RNF216: variants seen among roughly 807,000 people sequenced by gnomAD.
RNF216 encodes ring finger protein 216.
A neutral mutation model predicts 110.8 loss-of-function variants in RNF216; 72 were observed. The observed-to-expected ratio is 0.65, with a 90% confidence interval of 0.54 to 0.79. The LOEUF is 0.79. Among genes scored for constraint, RNF216 ranks in the 30% least tolerant of loss-of-function variants. The probability of loss-of-function intolerance (pLI) is 0.00; values close to 1 mark genes in which losing one functional copy is unlikely to be tolerated. For missense variants in RNF216, 1,342 were observed against 1,141.2 expected (o/e 1.18, Z -2.54); for synonymous variants, 495 against 407.5 (o/e 1.21, Z -2.59).
At chr7:5,746,494 T>C (rs1795037173) in intron 3 of RNF216, among the ~76,000 whole-genome samples, 1 of 152,158 alleles carries the variant, frequency 6.6e-6, no homozygotes, top group East Asian at 1.9e-4. Flanking sequence ...AGGGAGGGTA[T>C]AAACTCAGGC....
At chr7:5,701,541 C>A (rs1237568882) in intron 13 of RNF216, among the ~76,000 whole-genome samples, 2 of 152,198 alleles carry the variant, frequency 1.3e-5, no homozygotes, top group Admixed American at 6.5e-5. Flanking sequence ...TGGTTTTGCA[C>A]AAAAGCTCTA....
At chr7:5,746,187 C>A (rs1562456063) in intron 3 of RNF216, among the ~76,000 whole-genome samples, 1 of 152,166 alleles carries the variant, frequency 6.6e-6, no homozygotes, top group African/African-American at 2.4e-5. Context: ...GTCTTTTTAG[C>A]ACCTGGTCTC....
intron 15 of RNF216, among the ~76,000 whole-genome samples, chr7:5,631,467 T>G (rs1467344076): frequency 6.6e-6 from 1 of 152,194 alleles, no homozygotes; most frequent in African/African-American, 2.4e-5. Context: ...TGGTCTCCAG[T>G]GGCCTCTGAC....
At chr7:5,682,040 T>G (rs1790684840) in intron 13 of RNF216, among the ~76,000 whole-genome samples, 1 of 152,234 alleles carries the variant, frequency 6.6e-6, no homozygotes, top group African/African-American at 2.4e-5. Context: ...GGCCGGCTGC[T>G]GCCTCTTCTC....
At chr7:5,648,569 C>CA (rs890125810) in intron 14 of RNF216, among the ~76,000 whole-genome samples, 6 of 149,312 alleles carry the variant, frequency 4.0e-5, no homozygotes, top group Admixed American at 6.7e-5. Flanking sequence ...ACTAAAAATA[C>CA]AAAAAAAAAT....
In RNF216 at chr7:5,703,010, C is replaced by T. The variant is rs370438662; in HGVS notation, c.2061+8751G>A. 6.6e-5 allele frequency among the ~76,000 whole-genome samples: 10 copies of T among 152,274 alleles called. No individual in the cohort carries two copies. In the South Asian group the frequency reaches 1.9e-3, roughly 28 times the overall value. On this transcript the variant is annotated intron_variant, in intron 13 of 16. Coordinates refer to ENST00000389902, the MANE Select transcript of RNF216 (RefSeq NM_207111.4). ...ATACCTGTAAGGGAGCGTCCTTCTG[C>T]GGCCTGAACCTGAAGCTCTTCAGAG...
At chr7:5,729,637 A>G (rs1390255509) in intron 6 of RNF216, 41 bp from the exon 7 acceptor site, 1 of 1,526,464 alleles carries the variant, frequency 6.6e-7, no homozygotes, top group African/African-American at 1.4e-5. Context: ...GCCAGGCAGT[A>G]CATTTCCCAT....
In RNF216 at chr7:5,622,018, G is replaced by A. The variant is rs954824217; in HGVS notation, c.*842C>T. ...GCCCACTCCTCCCCCAGAAAGCCAG[G>A]GGGGAAAAGCTGCTCATCACCCAGG... On this transcript the variant is annotated 3_prime_UTR_variant, in exon 17 of 17. Transcript: ENST00000389902. 4 of 152,322 alleles carry A rather than the reference G, an allele frequency of 2.6e-5. No homozygotes were observed. The highest frequency in any genetic ancestry group is 4.4e-5 in the Non-Finnish European group (3 of 68,206). 9.4% of individuals were successfully genotyped at this position (152,322 alleles called of 1,614,324 possible).
intron 1 of RNF216, among the ~76,000 whole-genome samples, chr7:5,762,761 G>A (rs1382585663): frequency 6.6e-6 from 1 of 152,030 alleles, no homozygotes; most frequent in African/African-American, 2.4e-5. Context: ...AGCAACTTCA[G>A]GACAGTGACT....
intron 2 of RNF216, chr7:5,760,656 T>C: frequency 2.9e-6 from 1 of 339,184 alleles, no homozygotes; most frequent in Non-Finnish European, 5.5e-6. Context: ...CAGCAACACC[T>C]GCAGTATTTC....
chr7:5,656,191 C>A (rs552094104), intron 13 of RNF216, among the ~76,000 whole-genome samples: 17 of 152,178 alleles, frequency 1.1e-4, no homozygotes, highest in Non-Finnish European at 2.2e-4. Context: ...ATTGCTTGAA[C>A]CCAGGAGGTG....
intron 13 of RNF216, among the ~76,000 whole-genome samples, chr7:5,706,970 C>T (rs1407948517): frequency 3.3e-5 from 5 of 152,224 alleles, no homozygotes; most frequent in South Asian, 4.1e-4. Flanking sequence ...ATGGTATCAG[C>T]GTCTAAGTTC....
At chr7:5,780,889 T>C (rs1191397861) in intron 1 of RNF216, among the ~76,000 whole-genome samples, 1 of 152,124 alleles carries the variant, frequency 6.6e-6, no homozygotes, top group Admixed American at 6.5e-5. Context: ...CCCAGAGTCT[T>C]GGATCCCTGG....
intron 13 of RNF216, among the ~76,000 whole-genome samples, chr7:5,668,680 G>C (rs911527438): frequency 5.3e-5 from 8 of 152,170 alleles, no homozygotes; most frequent in African/African-American, 1.7e-4. Flanking sequence ...GTATAGGTGG[G>C]AGACACCCAG....
chr7:5,772,023 C>T (rs1237755875), intron 1 of RNF216, among the ~76,000 whole-genome samples: 2 of 152,116 alleles, frequency 1.3e-5, no homozygotes, highest in Non-Finnish European at 2.9e-5. Flanking sequence ...CACCTGAGCT[C>T]AGGAGTTCGA....
At chr7:5,735,371 A>G (rs1161639140) in intron 5 of RNF216, among the ~76,000 whole-genome samples, 1 of 152,220 alleles carries the variant, frequency 6.6e-6, no homozygotes, top group African/African-American at 2.4e-5. Flanking sequence ...AGAACAGAAT[A>G]TGATTCCCAA....
chr7:5,742,586 C>CTTTTTTTT (rs59545890), intron 3 of RNF216, among the ~76,000 whole-genome samples: 1 of 65,988 alleles, frequency 1.5e-5, no homozygotes, highest in African/African-American at 6.0e-5. Context: ...GGTGAAAAAT[C>CTTTTTTTT]TTTTTTTTTT....
intron 13 of RNF216, among the ~76,000 whole-genome samples, chr7:5,701,576 T>C (rs1791974270): frequency 6.6e-6 from 1 of 152,256 alleles, no homozygotes; most frequent in African/African-American, 2.4e-5. Flanking sequence ...CCGTTCTTAT[T>C]GTACACGGAA....
At chr7:5,627,033 A>T (rs1165185306) in intron 15 of RNF216, among the ~76,000 whole-genome samples, 1 of 151,846 alleles carries the variant, frequency 6.6e-6, no homozygotes, top group Non-Finnish European at 1.5e-5. Context: ...CCTCACCTCA[A>T]CCTCTGCCGC....
Sources: allele counts gnomAD v4.1 joint callset (sites outside exome capture counted in the v4.1 genomes callset), GRCh38; gene constraint gnomAD v4.1.1; transcripts MANE v1.5; gene names NCBI Gene and HGNC (gene_info 2026-07-23, HGNC 2026-07-21).